CCDC171: variants seen among roughly 807,000 people sequenced by gnomAD.
The protein encoded by CCDC171 is coiled-coil domain containing 171.
CCDC171 carries 177 observed loss-of-function variants against 168.2 expected under a neutral mutation model. That is an observed-to-expected ratio of 1.05 (90% CI 0.93 to 1.19). CCDC171 has a LOEUF of 1.19. Ranked by LOEUF, CCDC171 falls within the 50% of genes most tolerant of loss-of-function variation. CCDC171 has a pLI of 0.00. For synonymous variants in CCDC171, 687 were observed against 540.8 expected (o/e 1.27, Z -3.75); for missense variants, 1,991 against 1,539.0 (o/e 1.29, Z -4.91).
chr9:15,908,837 A>C (rs534386836), intron 24 of CCDC171, among the ~76,000 whole-genome samples: 1 of 152,128 alleles, frequency 6.6e-6, no homozygotes, highest in Non-Finnish European at 1.5e-5. Flanking sequence ...GGGAGGTGCC[A>C]CATGGTTTTA....
intron 4 of CCDC171, among the ~76,000 whole-genome samples, chr9:15,589,924 G>T (rs1474203139): frequency 6.6e-6 from 1 of 152,144 alleles, no homozygotes; most frequent in East Asian, 1.9e-4. Flanking sequence ...AATCATCAAT[G>T]AAAATAACTC....
Position 15,818,669 on chromosome 9 carries a change from G to A in CCDC171, c.3268-28033G>A, listed in dbSNP as rs531563683. Among the ~76,000 whole-genome samples the A allele has an allele frequency of 2.2e-3, 258 of 117,896 alleles. 70 individuals are homozygous for A. Among genetic ancestry groups the A allele is most frequent in the African/African-American group, 8.0e-3 (250 of 31,352 alleles). 77.3% of individuals were successfully genotyped at this position (117,896 alleles called of 152,430 possible). On this transcript the variant is annotated intron_variant, in intron 21 of 25. Coordinates refer to ENST00000380701, the MANE Select transcript of CCDC171 (RefSeq NM_173550.4). Reference sequence around the variant, plus strand: ...AAAAAGAATAAAAGAAACGAACAAAGCCTCCAAGAAATATGGGACTATGTG... The same window carrying A: ...AAAAAGAATAAAAGAAACGAACAAAACCTCCAAGAAATATGGGACTATGTG...
intron 7 of CCDC171, among the ~76,000 whole-genome samples, chr9:15,644,082 T>A (rs1187977576): frequency 1.3e-5 from 2 of 152,234 alleles, no homozygotes; most frequent in South Asian, 4.1e-4. Flanking sequence ...CTTGGGCAAA[T>A]ATATAGGAAT....
chr9:15,880,626 GTTT>G (rs57349228), intron 24 of CCDC171, among the ~76,000 whole-genome samples: 9 of 116,118 alleles, frequency 7.8e-5, no homozygotes, highest in African/African-American at 2.5e-4. Flanking sequence ...CCGCCTAATT[GTTT>G]TTTTTTTTTT....
At chr9:16,030,969 G>T (rs923016878) in intron 6 of CCDC171, among the ~76,000 whole-genome samples, 1 of 152,114 alleles carries the variant, frequency 6.6e-6, no homozygotes, top group African/African-American at 2.4e-5. Flanking sequence ...AGCGTTCAGG[G>T]GCACAAGAAT....
chr9:15,794,043 G>T (rs1236285955), intron 21 of CCDC171, among the ~76,000 whole-genome samples: 7 of 150,588 alleles, frequency 4.6e-5, no homozygotes, highest in African/African-American at 1.7e-4. Flanking sequence ...GGTGTGGTAG[G>T]CATCCTTATC....
intron 7 of CCDC171, among the ~76,000 whole-genome samples, chr9:15,632,492 C>G (rs1466461664): frequency 6.6e-6 from 1 of 152,050 alleles, no homozygotes; most frequent in Non-Finnish European, 1.5e-5. Flanking sequence ...TCAAGGAGAG[C>G]TACAAACCAC....
At chr9:15,954,151 CT>C (rs34362388) in intron 25 of CCDC171, among the ~76,000 whole-genome samples, 175 of 140,650 alleles carry the variant, frequency 1.2e-3, no homozygotes, top group South Asian at 4.3e-3. Context: ...TACTTACTTT[CT>C]TTTTTTTTTT....
At chr9:15,738,383 T>G (rs534900853) in intron 16 of CCDC171, among the ~76,000 whole-genome samples, 38 of 152,326 alleles carry the variant, frequency 2.5e-4, no homozygotes, top group Admixed American at 5.9e-4. Context: ...TTATGTAGTA[T>G]TTTTGTTATG....
exon 5 of CCDC171, chr9:16,022,574 T>G (rs1426270441): frequency 6.6e-6 from 1 of 152,414 alleles, no homozygotes; most frequent in East Asian, 1.9e-4. Flanking sequence ...TGGACAAACA[T>G]GCAGTCTACC....
At chr9:15,970,075 C>T (rs1382113690) in intron 25 of CCDC171, among the ~76,000 whole-genome samples, 1 of 152,112 alleles carries the variant, frequency 6.6e-6, no homozygotes, top group East Asian at 1.9e-4. Context: ...TTTCTAACTT[C>T]CAGTATAAAA....
intron 21 of CCDC171, among the ~76,000 whole-genome samples, chr9:15,787,953 C>G (rs2058054637): frequency 6.6e-6 from 1 of 152,142 alleles, no homozygotes; most frequent in Non-Finnish European, 1.5e-5. Context: ...TTTGGAAAAG[C>G]ATCTTTGTCA....
At chr9:15,936,814 C>T (rs1827172653) in intron 25 of CCDC171, among the ~76,000 whole-genome samples, 1 of 151,976 alleles carries the variant, frequency 6.6e-6, no homozygotes, top group Non-Finnish European at 1.5e-5. Flanking sequence ...GATTCCAGGG[C>T]ATGTCAGCCG....
intron 25 of CCDC171, among the ~76,000 whole-genome samples, chr9:15,936,660 A>G (rs1827154754): frequency 2.0e-5 from 3 of 152,040 alleles, no homozygotes; most frequent in Non-Finnish European, 4.4e-5. Context: ...TTAACCTGAA[A>G]TTAAACGAGG....
chr9:15,651,425 T>G (rs994816530), intron 7 of CCDC171, among the ~76,000 whole-genome samples: 2 of 151,700 alleles, frequency 1.3e-5, no homozygotes, highest in Admixed American at 1.3e-4. Flanking sequence ...TTTTTTTTTT[T>G]AATAGAGATG....
downstream of CCDC171, among the ~76,000 whole-genome samples, chr9:15,977,129 C>T (rs190729860): frequency 3.9e-5 from 6 of 152,234 alleles, no homozygotes; most frequent in Non-Finnish European, 5.9e-5. Flanking sequence ...AATTTTATTA[C>T]GAGACACTTT....
intron 25 of CCDC171, among the ~76,000 whole-genome samples, chr9:15,966,272 G>A (rs1166548667): frequency 1.3e-5 from 2 of 152,178 alleles, no homozygotes; most frequent in Non-Finnish European, 2.9e-5. Flanking sequence ...AGTTTGAAAC[G>A]TGGAGGACTC....
chr9:15,600,956 T>C (rs2042801266), intron 6 of CCDC171, among the ~76,000 whole-genome samples: 2 of 152,220 alleles, frequency 1.3e-5, no homozygotes, highest in Non-Finnish European at 2.9e-5. Flanking sequence ...TACAATCTCC[T>C]GGTGTGCCGT....
intron 18 of CCDC171, among the ~76,000 whole-genome samples, chr9:15,771,373 C>G (rs983239042): frequency 3.3e-5 from 5 of 152,044 alleles, no homozygotes; most frequent in Admixed American, 6.5e-5. Context: ...TCTCTTTGAC[C>G]TTTATCAATG....
Sources: gnomAD v4.1 joint callset for allele counts (sites outside exome capture counted in the v4.1 genomes callset) on GRCh38, gnomAD v4.1.1 for gene constraint, MANE v1.5 for transcripts, NCBI Gene and HGNC (gene_info 2026-07-23, HGNC 2026-07-21) for gene names.